The following ACOXL variants were observed in gnomAD, a reference collection of about 807,000 sequenced individuals.
ACOXL encodes the protein acyl-CoA oxidase like.
A neutral mutation model predicts 71.9 loss-of-function variants in ACOXL; 70 were observed. That is an observed-to-expected ratio of 0.97 (90% confidence interval 0.80 to 1.19). The LOEUF (loss-of-function observed/expected upper bound fraction) is 1.19. ACOXL is among the 50% of genes most tolerant of loss of function. The probability of loss-of-function intolerance (pLI) is 0.00; values close to 1 mark genes in which losing one functional copy is unlikely to be tolerated. For missense variants in ACOXL, 703 were observed against 736.3 expected, an observed-to-expected ratio of 0.95 and a Z score of 0.52; for synonymous variants, 253 against 281.6, an observed-to-expected ratio of 0.90 and a Z score of 1.02.
intron 1 of ACOXL, among the ~76,000 whole-genome samples, chr2:110,760,103 A>C (rs1470535751): frequency 1.3e-5 from 2 of 150,736 alleles, no homozygotes; most frequent in African/African-American, 4.9e-5. Flanking sequence ...GGGGGCTTCC[A>C]GGTGTACAAT....
At position 110,756,101 on chromosome 2, in the gene ACOXL, G is replaced by A. The variant is rs185380713; in HGVS notation, c.-22-12267G>A. On this transcript the variant is annotated intron_variant, in intron 1 of 17. Transcript: ENST00000439055. ...ATTCGGGTGTTAATAGTTGAGAGCT[G>A]TTTAGTAATAGCCCACTTTTCTTAA... Among the ~76,000 whole-genome samples, 223 of 151,952 alleles carry A rather than the reference G, an allele frequency of 1.5e-3. 4 individuals carry two copies. The highest frequency in any genetic ancestry group is 1.0e-4 in the Non-Finnish European group (7 of 67,952).
At chr2:111,091,912 G>A (rs1301620139) in intron 16 of ACOXL, among the ~76,000 whole-genome samples, 1 of 152,150 alleles carries the variant, frequency 6.6e-6, no homozygotes, top group Non-Finnish European at 1.5e-5. Context: ...CCACATGACT[G>A]TGAACCACAT....
intron 3 of ACOXL, among the ~76,000 whole-genome samples, chr2:110,793,043 C>G (rs1281104396): frequency 6.6e-6 from 1 of 152,174 alleles, no homozygotes; most frequent in Non-Finnish European, 1.5e-5. Flanking sequence ...AGTCAGTGAG[C>G]TTGTAAGCTC....
At chr2:110,935,887 C>T (rs1003204364) in intron 12 of ACOXL, among the ~76,000 whole-genome samples, 1 of 152,028 alleles carries the variant, frequency 6.6e-6, no homozygotes, top group Admixed American at 6.5e-5. Context: ...GAGATGTTTT[C>T]GGGATGAAAC....
chr2:111,089,676 G>T (rs193160840), intron 16 of ACOXL, among the ~76,000 whole-genome samples: 1 of 152,292 alleles, frequency 6.6e-6, no homozygotes, highest in East Asian at 1.9e-4. Flanking sequence ...GGGGGGAAAG[G>T]CTTAGTTAGG....
chr2:110,809,143 T>G (rs1687011180), intron 9 of ACOXL, among the ~76,000 whole-genome samples: 1 of 152,268 alleles, frequency 6.6e-6, no homozygotes. Flanking sequence ...TTGATCTAAC[T>G]CCACGTGGCC....
chr2:111,117,564 T>C (rs2070448952), intron 17 of ACOXL, 52 bp from the exon 18 acceptor site: 1 of 1,537,154 alleles, frequency 6.5e-7, no homozygotes, highest in South Asian at 1.2e-5. Flanking sequence ...TGTCACTAGA[T>C]GGCTGTAAGT....
chr2:111,042,666 C>T (rs766230489), intron 15 of ACOXL, among the ~76,000 whole-genome samples: 2 of 152,140 alleles, frequency 1.3e-5, no homozygotes, highest in South Asian at 2.1e-4. Context: ...CAGGGTGGGT[C>T]GTGAGGTGTG....
At chr2:111,031,256 G>A (rs1024222609) in intron 14 of ACOXL, among the ~76,000 whole-genome samples, 2 of 151,446 alleles carry the variant, frequency 1.3e-5, no homozygotes, top group African/African-American at 4.8e-5. Context: ...AACGTGGGCT[G>A]GTTATGTTGA....
intron 9 of ACOXL, among the ~76,000 whole-genome samples, chr2:110,839,376 T>G (rs1690860155): frequency 6.6e-6 from 1 of 152,230 alleles, no homozygotes; most frequent in South Asian, 2.1e-4. Context: ...TGTCTACAGT[T>G]TCTACTTTTA....
intron 12 of ACOXL, among the ~76,000 whole-genome samples, chr2:110,948,380 T>G (rs2061193042): frequency 6.6e-6 from 1 of 152,232 alleles, no homozygotes; most frequent in African/African-American, 2.4e-5. Context: ...AGCCCTCTGC[T>G]TATTCAGTAG....
chr2:110,895,778 G>A (rs758489749), intron 10 of ACOXL, among the ~76,000 whole-genome samples: 20 of 152,140 alleles, frequency 1.3e-4, no homozygotes, highest in Admixed American at 2.0e-4. Context: ...AAGAACTATC[G>A]AGCCAGAATT....
At chr2:110,949,193 G>A (rs1236510784) in intron 12 of ACOXL, among the ~76,000 whole-genome samples, 1 of 152,144 alleles carries the variant, frequency 6.6e-6, no homozygotes, top group Non-Finnish European at 1.5e-5. Context: ...AGAAGTTCAG[G>A]CATGGTCCAT....
rs558000151 is a variant in ACOXL, at chr2:110,827,815, A to G, written c.754-13556A>G. Among the ~76,000 whole-genome samples the G allele has an allele frequency of 5.9e-5, 9 of 152,286 alleles. No individual in the cohort carries two copies. In the South Asian group the frequency reaches 1.0e-3, roughly 18 times the overall value. On this transcript the variant is annotated intron_variant, in intron 9 of 17. Coordinates refer to ENST00000439055, the MANE Select transcript of ACOXL (RefSeq NM_001142807.4). Reference sequence around the variant, plus strand: ...CACATGTTTTACTTTTGATGTGGCTATCACCTCCCTGCACAAATGCTGATT... The same window carrying G: ...CACATGTTTTACTTTTGATGTGGCTGTCACCTCCCTGCACAAATGCTGATT...
intron 10 of ACOXL, among the ~76,000 whole-genome samples, chr2:110,852,569 C>T (rs1246100531): frequency 1.3e-5 from 2 of 152,204 alleles, no homozygotes; most frequent in Non-Finnish European, 2.9e-5. Context: ...CTGTATGAAT[C>T]ACATTTTGGC....
chr2:110,916,046 A>G (rs1287277483), intron 11 of ACOXL, among the ~76,000 whole-genome samples: 1 of 152,094 alleles, frequency 6.6e-6, no homozygotes, highest in Non-Finnish European at 1.5e-5. Context: ...TCTTTAACAA[A>G]TGTGAGTCTT....
chr2:110,799,152 A>T, intron 7 of ACOXL, 52 bp downstream of exon 7: 1 of 1,546,704 alleles, frequency 6.5e-7, no homozygotes, highest in Non-Finnish European at 8.9e-7. Flanking sequence ...CCTGCTCCCC[A>T]CCTGACTCAA....
At chr2:110,828,187 G>A (rs546327116) in intron 9 of ACOXL, among the ~76,000 whole-genome samples, 1 of 152,260 alleles carries the variant, frequency 6.6e-6, no homozygotes, top group African/African-American at 2.4e-5. Context: ...GCCCACGCTG[G>A]TCTCAAATTC....
At chr2:110,991,245 G>T (rs1422817240) in intron 13 of ACOXL, among the ~76,000 whole-genome samples, 1 of 152,106 alleles carries the variant, frequency 6.6e-6, no homozygotes, top group Non-Finnish European at 1.5e-5. Flanking sequence ...TGCTAGATCT[G>T]TAGTTGTGTC....
Sources: gnomAD v4.1 joint callset for allele counts (sites outside exome capture counted in the v4.1 genomes callset) on GRCh38, gnomAD v4.1.1 for gene constraint, MANE v1.5 for transcripts, NCBI Gene and HGNC (gene_info 2026-07-23, HGNC 2026-07-21) for gene names.